The following SYTL2 variants were observed in gnomAD, a reference collection of about 807,000 sequenced individuals.
SYTL2 encodes the protein synaptotagmin-like protein 2.
In SYTL2, 165 loss-of-function variants were observed where a neutral mutation model predicts 198.7. The observed-to-expected ratio is 0.83, with a 90% CI of 0.73 to 0.94. The LOEUF (loss-of-function observed/expected upper bound fraction) is 0.94. SYTL2 is among the 40% of genes least tolerant of loss of function. SYTL2 has a pLI of 0.00. For synonymous variants in SYTL2, 966 were observed against 917.7 expected (o/e 1.05, Z -0.95); for missense variants, 2,835 against 2,582.8 (o/e 1.10, Z -2.12).
chr11:85,715,613 C>G (rs1321111225), intron 11 of SYTL2, among the ~76,000 whole-genome samples: 1 of 152,126 alleles, frequency 6.6e-6, no homozygotes, highest in Non-Finnish European at 1.5e-5. Flanking sequence ...TTTAGCTACA[C>G]GTACTAAAGA....
the SYTL2 span, among the ~76,000 whole-genome samples, chr11:85,850,078 GCTCT>G: frequency 4.1e-5 from 6 of 145,966 alleles, no homozygotes; most frequent in African/African-American, 7.7e-5. Context: ...TCACGATTTG[GCTCT>G]CTGTTTGTCT....
At chr11:85,731,178 T>G (rs1285262497) in intron 7 of SYTL2, among the ~76,000 whole-genome samples, 2 of 152,180 alleles carry the variant, frequency 1.3e-5, no homozygotes, top group Non-Finnish European at 2.9e-5. Flanking sequence ...AATTTATAGA[T>G]TCAATGCTAT....
chr11:85,714,359 A>C, intron 12 of SYTL2, 54 bp downstream of exon 12: 1 of 1,405,934 alleles, frequency 7.1e-7, no homozygotes, highest in Non-Finnish European at 1.0e-6. Context: ...ACCTTGGCAT[A>C]GCAATTCCAA....
chr11:85,779,849 A>G (rs2092528146), intron 1 of SYTL2, among the ~76,000 whole-genome samples: 1 of 152,242 alleles, frequency 6.6e-6, no homozygotes, highest in Non-Finnish European at 1.5e-5. Flanking sequence ...GAGAGGGGCC[A>G]TGATTTTAGA....
intron 8 of SYTL2, among the ~76,000 whole-genome samples, chr11:85,723,333 G>A (rs2088636366): frequency 6.6e-6 from 1 of 152,162 alleles, no homozygotes; most frequent in Non-Finnish European, 1.5e-5. Flanking sequence ...GAGTCATCTG[G>A]CCAAAGTCAT....
In SYTL2 at chr11:85,709,134, G is replaced by A. The variant is rs372729543; in HGVS notation, c.5915+197C>T. On this transcript the variant is annotated intron_variant, in intron 14 of 19. Coordinates refer to ENST00000359152, the MANE Select transcript of SYTL2 (RefSeq NM_206927.4). ...ATTACAGGCGTGAGCCACCGTGCCC[G>A]GCCTTTCTCTGTGATTTTTATAATT... Among the ~76,000 whole-genome samples, 167 of 152,078 alleles carry A rather than the reference G, an allele frequency of 1.1e-3. 1 individual carries two copies. Among genetic ancestry groups the A allele is most frequent in the African/African-American group, 3.6e-3 (149 of 41,510 alleles).
chr11:85,696,686 G>T (rs527925875), intron 18 of SYTL2, among the ~76,000 whole-genome samples: 52 of 152,256 alleles, frequency 3.4e-4, no homozygotes, highest in Non-Finnish European at 2.6e-4. Flanking sequence ...TATAAAATGG[G>T]AATGGTGATG....
At chr11:85,747,781 T>A (rs1223301410) in intron 3 of SYTL2, among the ~76,000 whole-genome samples, 1 of 152,172 alleles carries the variant, frequency 6.6e-6, no homozygotes, top group African/African-American at 2.4e-5. Flanking sequence ...CTTGTTCCTA[T>A]ACAGCTTAAT....
chr11:85,833,030 A>G, the SYTL2 span, among the ~76,000 whole-genome samples: 5 of 18,310 alleles, frequency 2.7e-4, 1 homozygote, highest in Non-Finnish European at 5.0e-4. Context: ...AAAGAAAGAA[A>G]GAAAGAAAGA....
chr11:85,805,605 C>T (rs996056629), intron 1 of SYTL2, among the ~76,000 whole-genome samples: 1 of 152,194 alleles, frequency 6.6e-6, no homozygotes, highest in South Asian at 2.1e-4. Context: ...AGAGTCCAGG[C>T]TCCTGTGGCC....
intron 2 of SYTL2, among the ~76,000 whole-genome samples, chr11:85,756,125 A>G (rs773523350): frequency 3.9e-5 from 6 of 152,210 alleles, no homozygotes; most frequent in Admixed American, 3.9e-4. Flanking sequence ...TGTGAAGAAC[A>G]TAAGAGGATA....
intron 1 of SYTL2, among the ~76,000 whole-genome samples, chr11:85,804,295 T>A (rs1566042347): frequency 6.6e-6 from 1 of 152,222 alleles, no homozygotes. Flanking sequence ...TCATTCTGCA[T>A]CTAGAACTCA....
chr11:85,740,653 A>G (rs1049708345), intron 4 of SYTL2, among the ~76,000 whole-genome samples: 1 of 152,208 alleles, frequency 6.6e-6, no homozygotes, highest in Non-Finnish European at 1.5e-5. Flanking sequence ...TAAGATTTTT[A>G]AACTATGAAG....
the SYTL2 span, among the ~76,000 whole-genome samples, chr11:85,844,534 T>C: frequency 6.6e-6 from 1 of 152,226 alleles, no homozygotes; most frequent in Non-Finnish European, 1.5e-5. Context: ...GTGGTAATAG[T>C]AGTTTCATAG....
chr11:85,827,208 A>C, the SYTL2 span, among the ~76,000 whole-genome samples: 2 of 152,196 alleles, frequency 1.3e-5, no homozygotes, highest in East Asian at 3.8e-4. Flanking sequence ...ACTGAGGCAG[A>C]AGTTGGATCC....
the SYTL2 span, among the ~76,000 whole-genome samples, chr11:85,828,947 A>T: frequency 1.3e-5 from 2 of 152,062 alleles, no homozygotes; most frequent in Admixed American, 6.5e-5. Flanking sequence ...CTCTCAAACT[A>T]TACTTCTTGA....
chr11:85,777,903 C>A (rs2092483949), intron 1 of SYTL2, among the ~76,000 whole-genome samples: 1 of 140,132 alleles, frequency 7.1e-6, no homozygotes, highest in Non-Finnish European at 1.5e-5. Flanking sequence ...TCACTGCAAC[C>A]TCTGACTCCC....
intron 2 of SYTL2, among the ~76,000 whole-genome samples, chr11:85,755,408 A>G (rs1223037982): frequency 1.3e-5 from 2 of 152,180 alleles, no homozygotes; most frequent in Non-Finnish European, 2.9e-5. Context: ...CTTGACTCAC[A>G]CCAGGCTTTT....
Position 85,695,115 on chromosome 11 carries a change from T to A in SYTL2, c.*80A>T. On this transcript the variant is annotated 3_prime_UTR_variant, in exon 20 of 20. Transcript: ENST00000359152. ...GTGCAATAGATAGAAAGTGAGGATA[T>A]TTGTCCACCTACTCAGATTTTCAAG... 1 of 1,436,318 alleles carries A rather than the reference T, an allele frequency of 7.0e-7. No homozygotes were observed. The highest frequency in any genetic ancestry group is 1.3e-5 in the South Asian group (1 of 75,356). The allele number at this position is 1,436,318 out of a possible 1,614,324, so 89.0% of individuals were successfully genotyped here. A position where few individuals can be genotyped will look rare whatever the true frequency, so the allele number is the denominator to read the frequency against.
Sources: allele counts gnomAD v4.1 joint callset (sites outside exome capture counted in the v4.1 genomes callset), GRCh38; gene constraint gnomAD v4.1.1; transcripts MANE v1.5; gene names NCBI Gene and HGNC (gene_info 2026-07-23, HGNC 2026-07-21).